MBD5: variants seen among roughly 807,000 people sequenced by gnomAD.
The protein encoded by MBD5 is methyl-CpG-binding domain protein 5.
A neutral mutation model predicts 117.3 loss-of-function variants in MBD5; 13 were observed. The observed-to-expected ratio is 0.11, with a 90% CI of 0.07 to 0.18. The LOEUF is 0.18. Among genes scored for constraint, MBD5 ranks in the 10% least tolerant of loss-of-function variants. MBD5 has a pLI of 1.00. For missense variants in MBD5, 1,879 were observed against 2,093.8 expected (o/e 0.90, Z 2.00); for synonymous variants, 727 against 766.4 (o/e 0.95, Z 0.85).
rs1272640888 is a variant in MBD5, at chr2:148,242,880, G to C, written c.-680+9485G>C. ...AATGTGTGTATGTATAGATTGTTTTGTGTTATTTTTAAGCAGTGCATAGGA... is the reference window on the plus strand; with the variant it reads ...AATGTGTGTATGTATAGATTGTTTTCTGTTATTTTTAAGCAGTGCATAGGA... On this transcript the variant is annotated intron_variant, in intron 3 of 13. Coordinates refer to ENST00000642680, the MANE Select transcript of MBD5 (RefSeq NM_001378120.1). Among the ~76,000 whole-genome samples, 2 of 152,132 alleles carry C rather than the reference G, an allele frequency of 1.3e-5. 1 individual carries two copies. The highest frequency in any genetic ancestry group is 1.3e-4 in the Admixed American group (2 of 15,262).
At chr2:148,030,000 G>A (rs1183283175) in intron 1 of MBD5, among the ~76,000 whole-genome samples, 6 of 152,124 alleles carry the variant, frequency 3.9e-5, no homozygotes, top group Non-Finnish European at 5.9e-5. Flanking sequence ...GGCCAGGTGC[G>A]GTGGCTCATG....
chr2:148,180,908 T>C (rs1698517524), intron 2 of MBD5, among the ~76,000 whole-genome samples: 1 of 152,194 alleles, frequency 6.6e-6, no homozygotes, highest in African/African-American at 2.4e-5. Flanking sequence ...TTCTATTTTG[T>C]TTATATTTTC....
intron 1 of MBD5, among the ~76,000 whole-genome samples, chr2:148,086,158 A>G (rs1695786771): frequency 6.6e-6 from 1 of 150,870 alleles, no homozygotes; most frequent in African/African-American, 2.4e-5. Flanking sequence ...TTAAATATAT[A>G]CATGGTATAT....
At chr2:148,227,353 T>C (rs1478718121) in intron 2 of MBD5, among the ~76,000 whole-genome samples, 14 of 152,090 alleles carry the variant, frequency 9.2e-5, no homozygotes, top group African/African-American at 2.2e-4. Context: ...TTTCCCAGCA[T>C]CATTTATTAA....
intron 3 of MBD5, among the ~76,000 whole-genome samples, chr2:148,295,018 G>C (rs1218491198): frequency 6.6e-6 from 1 of 152,168 alleles, no homozygotes; most frequent in Non-Finnish European, 1.5e-5. Context: ...ATGTGTCTGA[G>C]TATGATTCTC....
Position 148,283,218 on chromosome 2 carries a change from G to C in MBD5, c.-680+49823G>C, listed in dbSNP as rs555754546. Among the ~76,000 whole-genome samples the C allele has an allele frequency of 2.6e-5, 4 of 152,236 alleles. No individual in the cohort carries two copies. The South Asian group carries it at 6.2e-4, about 24-fold the overall frequency. ...TATGTAGCTATGATTGCATGTCTTT[G>C]TTACAGCAGCTTCCTTCCATATTTA... On this transcript the variant is annotated intron_variant, in intron 3 of 13. Coordinates refer to ENST00000642680, the MANE Select transcript of MBD5 (RefSeq NM_001378120.1).
intron 4 of MBD5, among the ~76,000 whole-genome samples, chr2:148,427,864 T>C (rs1705854160): frequency 6.6e-6 from 1 of 151,458 alleles, no homozygotes; most frequent in Non-Finnish European, 1.5e-5. Flanking sequence ...AAGAGCTATG[T>C]ATGACAAACT....
chr2:148,307,246 AAAAC>A (rs147267349), intron 3 of MBD5, among the ~76,000 whole-genome samples: 23,049 of 152,054 alleles, frequency 0.15, 2,042 homozygotes, highest in Non-Finnish European at 0.18. Context: ...TAAGTAATTG[AAAAC>A]AAACAGACTA....
At chr2:148,224,255 C>T (rs931173219) in intron 2 of MBD5, among the ~76,000 whole-genome samples, 3 of 152,154 alleles carry the variant, frequency 2.0e-5, no homozygotes, top group Admixed American at 2.0e-4. Context: ...TGCAGATTGT[C>T]CAATGTTGCT....
chr2:148,161,007 C>T (rs1440303773), intron 1 of MBD5, among the ~76,000 whole-genome samples: 2 of 152,116 alleles, frequency 1.3e-5, no homozygotes, highest in Non-Finnish European at 2.9e-5. Context: ...CACATACTGC[C>T]TTCTACCTTT....
rs920712734 is a variant in MBD5, at chr2:148,307,141, G to T, written c.-679-35073G>T. The stretch of plus-strand genomic sequence containing the variant: ...ATACTTAGTTGTTTATTTAACCAAA[G>T]TAATTATAAAAGGTTTTGCAGGCAA... On this transcript the variant is annotated intron_variant, in intron 3 of 13. Transcript: ENST00000642680. 4.6e-5 allele frequency among the ~76,000 whole-genome samples: 7 copies of T among 152,228 alleles called. 1 individual carries two copies. The highest frequency in any genetic ancestry group is 1.3e-4 in the Admixed American group (2 of 15,298).
intron 1 of MBD5, chr2:148,026,974 T>C (rs1168461554): frequency 6.6e-6 from 1 of 152,174 alleles, no homozygotes; most frequent in East Asian, 1.9e-4. Context: ...AATCCTTATC[T>C]GTATTAAACT....
intron 4 of MBD5, among the ~76,000 whole-genome samples, chr2:148,367,904 T>A (rs988674655): frequency 4.6e-5 from 7 of 152,170 alleles, no homozygotes; most frequent in African/African-American, 1.7e-4. Flanking sequence ...TCAATTATTG[T>A]GGAAGACAGT....
intron 4 of MBD5, among the ~76,000 whole-genome samples, chr2:148,377,877 T>C (rs1171526910): frequency 6.6e-6 from 1 of 152,222 alleles, no homozygotes; most frequent in African/African-American, 2.4e-5. Context: ...ATTTGAACTT[T>C]GTACTTCAGA....
At chr2:148,041,763 T>G (rs1393972286) in intron 1 of MBD5, among the ~76,000 whole-genome samples, 3 of 152,190 alleles carry the variant, frequency 2.0e-5, no homozygotes, top group Non-Finnish European at 4.4e-5. Flanking sequence ...TTCACTGCCT[T>G]TCTTCTGCTT....
intron 3 of MBD5, among the ~76,000 whole-genome samples, chr2:148,328,935 C>A (rs1259729957): frequency 6.6e-6 from 1 of 152,144 alleles, no homozygotes; most frequent in African/African-American, 2.4e-5. Flanking sequence ...ATTCTTATTT[C>A]ATTGTTTTCT....
chr2:148,163,426 CTT>C (rs970585529), intron 1 of MBD5, among the ~76,000 whole-genome samples: 2 of 149,912 alleles, frequency 1.3e-5, no homozygotes, highest in African/African-American at 4.9e-5. Context: ...AATTAAATAA[CTT>C]TTTTTTTTTC....
chr2:148,509,822 A>G (rs1393123780), intron 12 of MBD5, among the ~76,000 whole-genome samples: 1 of 152,210 alleles, frequency 6.6e-6, no homozygotes, highest in East Asian at 1.9e-4. Context: ...GGAAGAGGAA[A>G]AAGTCCATCT....
At chr2:148,400,881 G>T (rs1370369270) in intron 4 of MBD5, among the ~76,000 whole-genome samples, 1 of 151,928 alleles carries the variant, frequency 6.6e-6, no homozygotes, top group Non-Finnish European at 1.5e-5. Flanking sequence ...TGCTGATATT[G>T]TCTTCATCCT....
Sources: gnomAD v4.1 joint callset for allele counts (sites outside exome capture counted in the v4.1 genomes callset) on GRCh38, gnomAD v4.1.1 for gene constraint, MANE v1.5 for transcripts, NCBI Gene and HGNC (gene_info 2026-07-23, HGNC 2026-07-21) for gene names.